The following CALD1 variants were observed in gnomAD, a reference collection of about 807,000 sequenced individuals.
CALD1 encodes the protein caldesmon 1, also known as caldesmon.
Under a neutral mutation model 99.9 loss-of-function variants are expected in CALD1, and 33 were observed. The observed-to-expected ratio is 0.33, with a 90% confidence interval of 0.25 to 0.44. The LOEUF (loss-of-function observed/expected upper bound fraction) is 0.44, where lower values mean the gene tolerates loss of function less well. Ranked by LOEUF, CALD1 falls within the 20% of genes least tolerant of loss-of-function variation. The pLI is 1.00. For missense variants in CALD1, 861 were observed against 962.1 expected, an observed-to-expected ratio of 0.89 and a Z score of 1.39; for synonymous variants, 310 against 325.0, an observed-to-expected ratio of 0.95 and a Z score of 0.50.
intron 3 of CALD1, among the ~76,000 whole-genome samples, chr7:134,904,216 C>G (rs1803204850): frequency 6.6e-6 from 1 of 151,702 alleles, no homozygotes; most frequent in Non-Finnish European, 1.5e-5. Context: ...GAGCAAGACA[C>G]CGTCTCAAAA....
chr7:134,932,159 G>A (rs73728009), intron 4 of CALD1, among the ~76,000 whole-genome samples: 7 of 152,190 alleles, frequency 4.6e-5, no homozygotes, highest in Admixed American at 1.3e-4. Context: ...CACATGGCCC[G>A]CCTAGGTGCA....
In CALD1 at chr7:134,928,904, C is replaced by G. The variant is rs1253911274; in HGVS notation, c.218+4C>G. 6.2e-7 allele frequency: 1 copy of G among 1,604,606 alleles called. No individual in the cohort carries two copies. Among genetic ancestry groups the G allele is most frequent in the Non-Finnish European group, 8.5e-7 (1 of 1,174,930 alleles). ...TGGAGGTGAATGCCCAGAACAGGTACTGTCCTCTTTGGGACGGGGAGTTTC... is the reference window on the plus strand; with the variant it reads ...TGGAGGTGAATGCCCAGAACAGGTAGTGTCCTCTTTGGGACGGGGAGTTTC... On this transcript the variant is annotated splice_donor_region_variant and intron_variant, in intron 4 of 14. Coordinates refer to ENST00000361675, the MANE Select transcript of CALD1 (RefSeq NM_033138.4).
At chr7:134,942,255 A>C (rs1806507272) in intron 7 of CALD1, among the ~76,000 whole-genome samples, 1 of 152,184 alleles carries the variant, frequency 6.6e-6, no homozygotes, top group Non-Finnish European at 1.5e-5. Flanking sequence ...AGCAGGTTTG[A>C]GGGAGAAATC....
chr7:134,872,372 A>AC (rs1310791513), intron 3 of CALD1, among the ~76,000 whole-genome samples: 1 of 76,552 alleles, frequency 1.3e-5, no homozygotes, highest in Non-Finnish European at 2.6e-5. Flanking sequence ...AAAAAAAAAA[A>AC]AAAAAAAAAA....
intron 2 of CALD1, among the ~76,000 whole-genome samples, chr7:134,865,114 G>A (rs998670369): frequency 1.3e-5 from 2 of 152,090 alleles, no homozygotes; most frequent in Non-Finnish European, 2.9e-5. Flanking sequence ...TCAGCACTGA[G>A]TAGGGGTAGG....
intron 1 of CALD1, among the ~76,000 whole-genome samples, chr7:134,774,338 T>C (rs1796900861): frequency 6.6e-6 from 1 of 152,160 alleles, no homozygotes; most frequent in African/African-American, 2.4e-5. Flanking sequence ...GTCTGTGGGA[T>C]ACAAACCTGA....
chr7:134,932,322 C>T (rs1332284986), intron 4 of CALD1, among the ~76,000 whole-genome samples: 1 of 152,156 alleles, frequency 6.6e-6, no homozygotes, highest in Non-Finnish European at 1.5e-5. Flanking sequence ...TGTACATTTT[C>T]TTCCTCTCAA....
At position 134,960,124 on chromosome 7, in the gene CALD1, T is replaced by C. The variant is rs377320423; in HGVS notation, c.2199+13T>C. ...CACACCAAATAAGGTGAGCATCTGATTTTTGTCTCTTAAGTGTAGAGGGGC... is the reference window on the plus strand; with the variant it reads ...CACACCAAATAAGGTGAGCATCTGACTTTTGTCTCTTAAGTGTAGAGGGGC... On this transcript the variant is annotated intron_variant, in intron 12 of 14. Coordinates refer to ENST00000361675, the MANE Select transcript of CALD1 (RefSeq NM_033138.4). The C allele has an allele frequency of 4.3e-6, 7 of 1,613,862 alleles. No homozygotes were observed. In the African/African-American group the frequency reaches 5.3e-5, roughly 12 times the overall value.
chr7:134,814,826 G>A (rs893834934), intron 1 of CALD1, among the ~76,000 whole-genome samples: 7 of 152,174 alleles, frequency 4.6e-5, no homozygotes, highest in African/African-American at 1.7e-4. Flanking sequence ...ACACTCAACA[G>A]AGTCAAGAAA....
At chr7:134,949,323 G>A (rs1807154150) in intron 8 of CALD1, among the ~76,000 whole-genome samples, 1 of 152,016 alleles carries the variant, frequency 6.6e-6, no homozygotes, top group African/African-American at 2.4e-5. Context: ...CTCTGCTTGA[G>A]AACATGCAGT....
chr7:134,892,911 T>A (rs1321138373), intron 3 of CALD1, among the ~76,000 whole-genome samples: 2 of 151,818 alleles, frequency 1.3e-5, no homozygotes, highest in Non-Finnish European at 2.9e-5. Context: ...CATCAAAACT[T>A]CCTTGGAATC....
In CALD1 at chr7:134,767,267, C is replaced by A. The variant is rs79458230; in HGVS notation, c.-130+22904C>A. 2.6e-3 allele frequency among the ~76,000 whole-genome samples: 394 copies of A among 151,986 alleles called. 2 individuals are homozygous for A. Among genetic ancestry groups the A allele is most frequent in the South Asian group, 0.023 (109 of 4,812 alleles). ...CCATCAAACCTCAGCAGAGCTTGAT[C>A]AGTGGTTAGACGCATCTATATCACA... On this transcript the variant is annotated intron_variant, in intron 1 of 13. Coordinates refer to the CALD1 transcript ENST00000417172.
chr7:134,742,551 A>G (rs1371113081), upstream of CALD1, among the ~76,000 whole-genome samples: 1 of 152,166 alleles, frequency 6.6e-6, no homozygotes, highest in Admixed American at 6.5e-5. Context: ...GTTGGGGCCC[A>G]CCTGGGATCT....
At chr7:134,754,691 A>G (rs1018427816) in intron 1 of CALD1, among the ~76,000 whole-genome samples, 4 of 152,138 alleles carry the variant, frequency 2.6e-5, no homozygotes, top group Non-Finnish European at 5.9e-5. Flanking sequence ...TTCACTCAAC[A>G]GTCTATAATG....
chr7:134,895,094 GAAATAAATAAATAAAT>G (rs199802906), intron 3 of CALD1, among the ~76,000 whole-genome samples: 255 of 143,040 alleles, frequency 1.8e-3, no homozygotes, highest in Middle Eastern at 3.6e-3. Context: ...ACAGTGCTGG[GAAATAAATAAATAAAT>G]AAATAAATAA....
intron 2 of CALD1, among the ~76,000 whole-genome samples, chr7:134,856,776 A>AG (rs1800321840): frequency 2.0e-5 from 3 of 152,232 alleles, no homozygotes; most frequent in African/African-American, 7.2e-5. Context: ...AATATAAAAT[A>AG]GAGTTCCATA....
At chr7:134,759,291 A>G (rs1288567071) in intron 1 of CALD1, among the ~76,000 whole-genome samples, 1 of 152,208 alleles carries the variant, frequency 6.6e-6, no homozygotes, top group Admixed American at 6.5e-5. Context: ...CAAAAGTCTA[A>G]GTGCAAGGTA....
rs77811143 is a variant in CALD1, at chr7:134,931,322, T to C, written c.219-1666T>C. Among the ~76,000 whole-genome samples, 625 of 152,324 alleles carry C rather than the reference T, an allele frequency of 4.1e-3. 4 individuals carry two copies. The highest frequency in any genetic ancestry group is 0.014 in the African/African-American group (592 of 41,566). On this transcript the variant is annotated intron_variant, in intron 4 of 14. Coordinates refer to ENST00000361675, the MANE Select transcript of CALD1 (RefSeq NM_033138.4). ...TTAATCTGGCTAGCACTTTGGAATT[T>C]TGGTGCCTTTTAAAAATTATTAGAA...
In CALD1 at chr7:134,945,808, T is replaced by C. The variant is rs551908655; in HGVS notation, c.1533-1700T>C. 6.6e-5 allele frequency among the ~76,000 whole-genome samples: 10 copies of C among 152,336 alleles called. No individual in the cohort carries two copies. The South Asian group carries it at 2.1e-3, about 32-fold the overall frequency. On this transcript the variant is annotated intron_variant, in intron 7 of 14. Coordinates refer to ENST00000361675, the MANE Select transcript of CALD1 (RefSeq NM_033138.4). Reference sequence around the variant, plus strand: ...TGAAGCCATAGGTTAATGCAGTCATTAAGGACTTTCCTGGAGCAGCTCTGT... The same window carrying C: ...TGAAGCCATAGGTTAATGCAGTCATCAAGGACTTTCCTGGAGCAGCTCTGT...
Sources: allele counts gnomAD v4.1 joint callset (sites outside exome capture counted in the v4.1 genomes callset), GRCh38; gene constraint gnomAD v4.1.1; transcripts MANE v1.5; gene names NCBI Gene and HGNC (gene_info 2026-07-23, HGNC 2026-07-21).